The following MLC1 variants were observed in gnomAD, a reference collection of about 807,000 sequenced individuals.
MLC1 encodes the protein modulator of VRAC current 1.
A neutral mutation model predicts 44.7 loss-of-function variants in MLC1; 32 were observed. That is an observed-to-expected ratio of 0.72 (90% CI 0.54 to 0.96). The LOEUF is 0.96. Ranked by LOEUF, MLC1 falls within the 40% of genes least tolerant of loss-of-function variation. MLC1 has a pLI of 0.00. For synonymous variants in MLC1, 190 were observed against 213.0 expected (o/e 0.89, Z 0.94); for missense variants, 459 against 492.2 (o/e 0.93, Z 0.64).
chr22:50,076,817 GAGAA>G lies in MLC1; in HGVS notation c.597+20_597+23del, dbSNP rs1460806741. On this transcript the variant is annotated intron_variant, in intron 7 of 11. Transcript: ENST00000311597. ...ACCCCCGACAGAGTATGAGAGAAAA[GAGAA>G]AGAAGGGAAGTTTTCTTACTGAGTA... The G allele has an allele frequency of 1.9e-6, 3 of 1,609,714 alleles. No individual in the cohort carries two copies. Among genetic ancestry groups the G allele is most frequent in the Non-Finnish European group, 2.6e-6 (3 of 1,176,166 alleles).
In MLC1 at chr22:50,060,168, GGAAA is replaced by G. The variant is rs1487820074; in HGVS notation, c.*1411_*1414del. The G allele has an allele frequency of 6.6e-6, 1 of 152,384 alleles. No homozygotes were observed. The highest frequency in any genetic ancestry group is 2.4e-5 in the African/African-American group (1 of 41,446). 9.4% of individuals were successfully genotyped at this position (152,384 alleles called of 1,614,324 possible). A position where few individuals can be genotyped will look rare whatever the true frequency, so the allele number is the denominator to read the frequency against. On this transcript the variant is annotated 3_prime_UTR_variant, in exon 12 of 12. Coordinates refer to ENST00000311597, the MANE Select transcript of MLC1 (RefSeq NM_015166.4). ...ACGTTCATGTCTTCTCAGATCAGAA[GGAAA>G]GAAACAAAACCATTGTGAAGGAAAA... is the stretch of plus-strand genomic sequence containing the variant.
At chr22:50,069,672 A>T (rs1268704284) in intron 9 of MLC1, among the ~76,000 whole-genome samples, 1 of 151,834 alleles carries the variant, frequency 6.6e-6, no homozygotes, top group Admixed American at 6.6e-5. Context: ...GAAACAAAAA[A>T]CATTTACCTG....
rs1425964299 is a variant in MLC1, at chr22:50,076,839, A to G, written c.597+2T>C. Reference sequence around the variant, plus strand: ...AAAGAGAAAGAAGGGAAGTTTTCTTACTGAGTAAGATTTCAGGACCCGAGC... The same window carrying G: ...AAAGAGAAAGAAGGGAAGTTTTCTTGCTGAGTAAGATTTCAGGACCCGAGC... On this transcript the variant is annotated splice_donor_variant, in intron 7 of 11. Coordinates refer to ENST00000311597, the MANE Select transcript of MLC1 (RefSeq NM_015166.4). LOFTEE classifies it high-confidence loss of function. The G allele has an allele frequency of 1.9e-6, 3 of 1,613,492 alleles. No homozygotes were observed. Among genetic ancestry groups the G allele is most frequent in the African/African-American group, 1.3e-5 (1 of 74,916 alleles).
chr22:50,083,503 ATGT>A lies in MLC1; in HGVS notation c.178-333_178-331del, dbSNP rs970615121. On this transcript the variant is annotated intron_variant, in intron 2 of 11. Transcript: ENST00000311597. This position sits in a 1 kb window ranked among gnomAD's most constrained non-coding sequence, Gnocchi z 4.6. ...CCCCACAAAATACTCCTGCCCCAAC[ATGT>A]TGTGCGTGCAGTCTTCCAGATCCCA... Among the ~76,000 whole-genome samples, 7 of 152,130 alleles carry A rather than the reference ATGT, an allele frequency of 4.6e-5. No homozygotes were observed. Among genetic ancestry groups the A allele is most frequent in the Non-Finnish European group, 1.0e-4 (7 of 68,020 alleles).
chr22:50,068,812 C>T (rs1332022004), intron 9 of MLC1, among the ~76,000 whole-genome samples: 1 of 150,474 alleles, frequency 6.6e-6, no homozygotes, highest in Admixed American at 6.6e-5. Flanking sequence ...CTGTAACCTC[C>T]GCCTCCCGGG....
At chr22:50,079,469 A>G (rs1279882982) in intron 5 of MLC1, among the ~76,000 whole-genome samples, 2 of 132,602 alleles carry the variant, frequency 1.5e-5, no homozygotes, top group East Asian at 4.5e-4. Flanking sequence ...AGTATCTCGG[A>G]TGAGGTCCTG....
At chr22:50,066,019 C>A (rs1233361043) in intron 10 of MLC1, among the ~76,000 whole-genome samples, 1 of 152,048 alleles carries the variant, frequency 6.6e-6, no homozygotes, top group Non-Finnish European at 1.5e-5. Context: ...GAGAAAACAC[C>A]AGGATAAATT....
At chr22:50,068,664 G>T in intron 9 of MLC1, 109 bp from the exon 10 acceptor site, 1 of 1,217,760 alleles carries the variant, frequency 8.2e-7, no homozygotes, top group Non-Finnish European at 1.2e-6. Flanking sequence ...CATGGGCATA[G>T]TCCCAAGCTG....
rs759048893 is a variant in MLC1, at chr22:50,083,040, C to G, written c.267+44G>C. 3 of 1,576,964 alleles carry G rather than the reference C, an allele frequency of 1.9e-6. No individual in the cohort carries two copies. The South Asian group carries it at 3.3e-5, about 17-fold the overall frequency. On this transcript the variant is annotated intron_variant, in intron 3 of 11. Transcript: ENST00000311597. This position sits in a 1 kb window ranked among gnomAD's most constrained non-coding sequence, Gnocchi z 4.6. ...AGAACAAAGAAACCAGAGCACGTGC[C>G]GGCGAGCTTGGGCACTGGCAGAGGC... is the stretch of plus-strand genomic sequence containing the variant.
chr22:50,074,290 T>G lies in MLC1; in HGVS notation c.640A>C (p.Ile214Leu). ...IAGISAVLGG[I>L]IALNVDDSVS... ...GAGTCATCCACGTTCAGGGCAATGATCCCCCCGAGGACGGCAGAGATGCCT... is the reference window on the plus strand; with the variant it reads ...GAGTCATCCACGTTCAGGGCAATGAGCCCCCCGAGGACGGCAGAGATGCCT... Residue 214 changes from isoleucine to leucine, a missense_variant, in exon 8 of 12, where the codon ATC (isoleucine) becomes CTC (leucine). Physicochemically the swap from Ile to Leu is conservative, Grantham distance 5. Coordinates refer to ENST00000311597, the MANE Select transcript of MLC1 (RefSeq NM_015166.4). The G allele has an allele frequency of 1.2e-6, 2 of 1,613,834 alleles. No individual in the cohort carries two copies. The highest frequency in any genetic ancestry group is 8.5e-7 in the Non-Finnish European group (1 of 1,179,982).
At chr22:50,063,444 G>A (rs1320038736) in intron 11 of MLC1, among the ~76,000 whole-genome samples, 9 of 146,168 alleles carry the variant, frequency 6.2e-5, no homozygotes, top group African/African-American at 2.3e-4. Context: ...CTGCACTCCA[G>A]TCTGGGTGAC....
At chr22:50,068,341 C>T (rs755545169) in intron 10 of MLC1, 92 bp downstream of exon 10, 241 of 1,522,488 alleles carry the variant, frequency 1.6e-4, no homozygotes, top group East Asian at 5.6e-4. Flanking sequence ...CTGGAGCCAG[C>T]GCCCCCAGAG....
chr22:50,071,465 T>C (rs1201692327), intron 8 of MLC1, among the ~76,000 whole-genome samples: 1 of 152,212 alleles, frequency 6.6e-6, no homozygotes, highest in Non-Finnish European at 1.5e-5. Context: ...GAGCTCGTAG[T>C]CTCCTTGTGG....
chr22:50,061,177 T>G lies in MLC1; in HGVS notation c.*406A>C. 1.0e-5 allele frequency: 3 copies of G among 287,120 alleles called. No individual in the cohort carries two copies. Among genetic ancestry groups the G allele is most frequent in the Non-Finnish European group, 6.9e-6 (1 of 145,966 alleles). 17.8% of individuals were successfully genotyped at this position (287,120 alleles called of 1,614,324 possible). ...GTGGAGGGAGGAAGCCCGGTCAGAGTGGGCAGGAGACGCAGGGACCCACAG... is the reference window on the plus strand; with the variant it reads ...GTGGAGGGAGGAAGCCCGGTCAGAGGGGGCAGGAGACGCAGGGACCCACAG... On this transcript the variant is annotated 3_prime_UTR_variant, in exon 12 of 12. Coordinates refer to ENST00000311597, the MANE Select transcript of MLC1 (RefSeq NM_015166.4).
Position 50,080,387 on chromosome 22 carries a change from G to C in MLC1, c.278C>G (p.Ser93Trp). The change falls in exon 4 of 12, where the codon TCG becomes TGG. Residue 93 changes from serine to tryptophan, a missense_variant. Coordinates refer to ENST00000311597, the MANE Select transcript of MLC1 (RefSeq NM_015166.4). ...GGAGACGGTGAAGCTCACAATTGCCGAGGGGATGCACTGGAATGAAACCGG... is the reference window on the plus strand; with the variant it reads ...GGAGACGGTGAAGCTCACAATTGCCCAGGGGATGCACTGGAATGAAACCGG... ...LRCAAGSCIP[S>W]AIVSFTVSRR... 1 of 1,605,264 alleles carries C rather than the reference G, an allele frequency of 6.2e-7. No individual in the cohort carries two copies. The highest frequency in any genetic ancestry group is 8.5e-7 in the Non-Finnish European group (1 of 1,175,936).
At position 50,074,307 on chromosome 22, in the gene MLC1, G is replaced by A; in HGVS notation, c.623C>T (p.Ser208Phe). The A allele has an allele frequency of 6.2e-7, 1 of 1,614,132 alleles. No homozygotes were observed. Among genetic ancestry groups the A allele is most frequent in the Non-Finnish European group, 8.5e-7 (1 of 1,180,034 alleles). ...GGCAATGATCCCCCCGAGGACGGCAGAGATGCCTGCGATTACCTCGACGAC... is the reference window on the plus strand; with the variant it reads ...GGCAATGATCCCCCCGAGGACGGCAAAGATGCCTGCGATTACCTCGACGAC... Reference protein sequence around the residue: ...YSVVEVIAGISAVLGGIIALN... With the variant: ...YSVVEVIAGIFAVLGGIIALN... The change falls in exon 8 of 12, where the codon TCT (serine) becomes TTT (phenylalanine). Residue 208 changes from serine (S) to phenylalanine (F), a missense_variant. Physicochemically the swap from Ser to Phe is radical, Grantham distance 155. Coordinates refer to ENST00000311597, the MANE Select transcript of MLC1 (RefSeq NM_015166.4).
intron 11 of MLC1, among the ~76,000 whole-genome samples, chr22:50,062,598 C>T (rs929976221): frequency 3.0e-4 from 46 of 152,362 alleles, no homozygotes; most frequent in African/African-American, 1.0e-3. Flanking sequence ...GAGCGTCCTC[C>T]GGGACTTAGC....
At chr22:50,067,255 G>T (rs1205386577) in intron 10 of MLC1, among the ~76,000 whole-genome samples, 7 of 152,042 alleles carry the variant, frequency 4.6e-5, no homozygotes, top group Admixed American at 4.6e-4. Context: ...GGAGGCCGAG[G>T]ACGCTATCCC....
At chr22:50,069,502 C>T (rs947152395) in intron 9 of MLC1, among the ~76,000 whole-genome samples, 7 of 150,076 alleles carry the variant, frequency 4.7e-5, no homozygotes, top group Non-Finnish European at 8.9e-5. Context: ...AAAAACTAAG[C>T]GGGTGTGGTG....
Sources: allele counts gnomAD v4.1 joint callset (sites outside exome capture counted in the v4.1 genomes callset), GRCh38; gene constraint gnomAD v4.1.1; non-coding constraint Gnocchi (gnomAD v3.1); transcripts MANE v1.5; gene names NCBI Gene and HGNC (gene_info 2026-07-23, HGNC 2026-07-21).